Variants in CDH9 observed in about 807,000 individuals in gnomAD.
The protein encoded by CDH9 is cadherin 9, also known as cadherin-9.
A neutral mutation model predicts 70.9 loss-of-function variants in CDH9; 28 were observed. The observed-to-expected ratio is 0.40, with a 90% CI of 0.29 to 0.54. The LOEUF (loss-of-function observed/expected upper bound fraction) is 0.54, where lower values mean the gene tolerates loss of function less well. Among genes scored for constraint, CDH9 ranks in the 20% least tolerant of loss-of-function variants. The pLI, the probability that CDH9 is intolerant of heterozygous loss-of-function variation, is 0.59. For synonymous variants in CDH9, 409 were observed against 343.1 expected (o/e 1.19, Z -2.12); for missense variants, 874 against 984.4 (o/e 0.89, Z 1.50).
intron 2 of CDH9, among the ~76,000 whole-genome samples, chr5:26,977,487 A>ATATATATATATATATATATATG (rs1554001717): frequency 9.7e-5 from 10 of 102,790 alleles, no homozygotes; most frequent in African/African-American, 7.0e-4. Flanking sequence ...GTGTGTGTGT[A>ATATATATATATATATATATATG]TATATATATA....
chr5:27,015,000 C>A (rs1743022137), intron 1 of CDH9, among the ~76,000 whole-genome samples: 1 of 151,884 alleles, frequency 6.6e-6, no homozygotes, highest in Non-Finnish European at 1.5e-5. Context: ...TCAGTCTGTG[C>A]TTTAGAAGAC....
chr5:27,000,112 G>A (rs1018306271), intron 1 of CDH9, among the ~76,000 whole-genome samples: 6 of 152,028 alleles, frequency 3.9e-5, no homozygotes, highest in African/African-American at 1.4e-4. Flanking sequence ...CAGACTGGAA[G>A]AAAATATTTG....
intron 2 of CDH9, among the ~76,000 whole-genome samples, chr5:26,984,094 T>C (rs1417790802): frequency 6.6e-6 from 1 of 152,126 alleles, no homozygotes; most frequent in Non-Finnish European, 1.5e-5. Context: ...AAGGCAGAGC[T>C]CAATCAATGT....
intron 2 of CDH9, among the ~76,000 whole-genome samples, chr5:26,926,786 C>A (rs774987073): frequency 6.6e-6 from 1 of 151,666 alleles, no homozygotes; most frequent in South Asian, 2.1e-4. Flanking sequence ...TCAGAAACAC[C>A]GCCACACATC....
intron 3 of CDH9, among the ~76,000 whole-genome samples, chr5:26,910,005 A>C (rs1159804514): frequency 6.6e-6 from 1 of 151,974 alleles, no homozygotes; most frequent in Non-Finnish European, 1.5e-5. Context: ...AAGTTATGCC[A>C]GTTGGTCTTA....
chr5:26,989,518 C>G (rs1020581024), intron 1 of CDH9, among the ~76,000 whole-genome samples: 4 of 151,504 alleles, frequency 2.6e-5, no homozygotes, highest in African/African-American at 4.9e-5. Flanking sequence ...GTCTCTCTCT[C>G]TCTCTCTCTC....
At chr5:26,973,195 T>C (rs1742250447) in intron 2 of CDH9, among the ~76,000 whole-genome samples, 1 of 152,052 alleles carries the variant, frequency 6.6e-6, no homozygotes, top group South Asian at 2.1e-4. Context: ...TTGGAAGCAA[T>C]ATCTGATCAC....
intron 1 of CDH9, among the ~76,000 whole-genome samples, chr5:27,004,879 A>C (rs1158746405): frequency 2.0e-5 from 3 of 152,192 alleles, no homozygotes; most frequent in Non-Finnish European, 4.4e-5. Flanking sequence ...ACTGAGATTT[A>C]TCAGTATATT....
At chr5:27,010,204 CT>C (rs981022462) in intron 1 of CDH9, among the ~76,000 whole-genome samples, 1 of 152,072 alleles carries the variant, frequency 6.6e-6, no homozygotes, top group African/African-American at 2.4e-5. Context: ...AAACATTACA[CT>C]CTTTGAACAG....
chr5:26,958,284 C>A (rs537263320), intron 2 of CDH9, among the ~76,000 whole-genome samples: 1 of 152,262 alleles, frequency 6.6e-6, no homozygotes, highest in South Asian at 2.1e-4. Flanking sequence ...TTCTATTACT[C>A]ATCTTCCCCA....
In CDH9 at chr5:26,889,931, G is replaced by T. The variant is rs1158073393; in HGVS notation, c.1417C>A (p.Pro473Thr). Residue 473 changes from proline to threonine, a missense_variant, in exon 9 of 12, where the codon CCT becomes ACT. Transcript: ENST00000231021. ...INNPKQSSHIPVFIRILDIND... is the reference protein window; with the variant it reads ...INNPKQSSHITVFIRILDIND... ...ATATCTAGAATTCTGATGAAGACAG[G>T]GATGTGGCTACTTTGTTTTGGGTTA... 1 of 1,607,582 alleles carries T rather than the reference G, an allele frequency of 6.2e-7. No homozygotes were observed. The highest frequency in any genetic ancestry group is 1.7e-5 in the Admixed American group (1 of 59,392).
chr5:26,975,667 A>T (rs1207370191), intron 2 of CDH9, among the ~76,000 whole-genome samples: 1 of 152,234 alleles, frequency 6.6e-6, no homozygotes, highest in Admixed American at 6.5e-5. Context: ...ATTGAGGATT[A>T]TTAAGAAAGT....
chr5:26,993,698 CAAAAAAAAAAAAAAAA>C (rs34545141), intron 1 of CDH9, among the ~76,000 whole-genome samples: 2 of 51,004 alleles, frequency 3.9e-5, no homozygotes, highest in Non-Finnish European at 6.5e-5. Flanking sequence ...TATTCAGCTG[CAAAAAAAAAAAAAAAA>C]AAAAAAAAGA....
intron 1 of CDH9, among the ~76,000 whole-genome samples, chr5:26,994,431 A>G (rs1312956503): frequency 1.3e-5 from 2 of 152,150 alleles, no homozygotes; most frequent in Non-Finnish European, 2.9e-5. Context: ...TACCAAGGTT[A>G]GATTAGATCA....
At chr5:26,967,023 C>T (rs988557054) in intron 2 of CDH9, among the ~76,000 whole-genome samples, 1 of 152,134 alleles carries the variant, frequency 6.6e-6, no homozygotes, top group Admixed American at 6.6e-5. Flanking sequence ...GCCTGGATCT[C>T]CCAAGCTTAA....
chr5:26,987,091 C>CTTTTTTTATTTTT (rs1742500379), intron 2 of CDH9, among the ~76,000 whole-genome samples: 1 of 108,284 alleles, frequency 9.2e-6, no homozygotes, highest in Non-Finnish European at 1.8e-5. Flanking sequence ...CACTTGTATT[C>CTTTTTTTATTTTT]TTTTTTTTTT....
chr5:26,974,973 A>AAC, intron 2 of CDH9, among the ~76,000 whole-genome samples: 1 of 152,212 alleles, frequency 6.6e-6, no homozygotes, highest in Middle Eastern at 3.4e-3. Context: ...CCCTTTGACC[A>AAC]ACAGCTCTCC....
intron 2 of CDH9, among the ~76,000 whole-genome samples, chr5:26,950,400 AT>A (rs778651848): frequency 1.1e-4 from 16 of 152,232 alleles, no homozygotes; most frequent in Non-Finnish European, 1.9e-4. Context: ...TAGTATTTAA[AT>A]TAAAACCAGA....
At chr5:27,007,020 G>T (rs550930123) in intron 1 of CDH9, among the ~76,000 whole-genome samples, 1 of 152,112 alleles carries the variant, frequency 6.6e-6, no homozygotes, top group South Asian at 2.1e-4. Context: ...GAAAATGAAA[G>T]AAAAACTTTG....
Sources: gnomAD v4.1 joint callset for allele counts (sites outside exome capture counted in the v4.1 genomes callset) on GRCh38, gnomAD v4.1.1 for gene constraint, MANE v1.5 for transcripts, NCBI Gene and HGNC (gene_info 2026-07-23, HGNC 2026-07-21) for gene names.